The following CHD2 variants were observed in gnomAD, a reference collection of about 807,000 sequenced individuals.
The protein encoded by CHD2 is ATP-dependent chromatin remodeler CHD2.
A neutral mutation model predicts 243.9 loss-of-function variants in CHD2; 28 were observed. The ratio of observed to expected loss-of-function variants is 0.11; its 90% CI spans 0.09 to 0.16. CHD2 has a LOEUF of 0.16. Among genes scored for constraint, CHD2 ranks in the 10% least tolerant of loss-of-function variants. The pLI, the probability that CHD2 is intolerant of heterozygous loss-of-function variation, is 1.00. For synonymous variants in CHD2, 775 were observed against 779.0 expected (o/e 0.99, Z 0.09); for missense variants, 1,386 against 2,209.8 (o/e 0.63, Z 7.47).
intron 13 of CHD2, among the ~76,000 whole-genome samples, chr15:92,951,563 A>G (rs1271390817): frequency 6.6e-6 from 1 of 152,228 alleles, no homozygotes; most frequent in Non-Finnish European, 1.5e-5. Context: ...TTACTACATT[A>G]CATAATGTGC....
chr15:92,905,965 A>G (rs762044313), intron 2 of CHD2, among the ~76,000 whole-genome samples: 8 of 152,228 alleles, frequency 5.3e-5, no homozygotes, highest in Non-Finnish European at 7.3e-5. Flanking sequence ...ATACCTTTCA[A>G]TTCCTAAAAC....
At chr15:92,995,361 A>G (rs2054174022) in intron 28 of CHD2, among the ~76,000 whole-genome samples, 1 of 152,214 alleles carries the variant, frequency 6.6e-6, no homozygotes, top group Non-Finnish European at 1.5e-5. Context: ...CTATAAAACA[A>G]GGTACATTTG....
intron 26 of CHD2, among the ~76,000 whole-genome samples, chr15:92,988,258 T>C (rs1195862395): frequency 6.6e-6 from 1 of 152,076 alleles, no homozygotes; most frequent in African/African-American, 2.4e-5. Flanking sequence ...ATTATTTTTG[T>C]ATTTTTAGTA....
At chr15:92,972,490 A>G (rs1355938087) in intron 19 of CHD2, 73 bp downstream of exon 19, 12 of 1,319,462 alleles carry the variant, frequency 9.1e-6, no homozygotes, top group Admixed American at 4.8e-5. Context: ...ACCTTCCTAC[A>G]CTGGGTTGTA....
At chr15:92,983,592 T>A (rs1304223103) in intron 24 of CHD2, among the ~76,000 whole-genome samples, 3 of 152,206 alleles carry the variant, frequency 2.0e-5, no homozygotes, top group Non-Finnish European at 4.4e-5. Context: ...GCTCAGATGC[T>A]GTCCAGAGGT....
chr15:92,905,771 T>C (rs1596363654), intron 2 of CHD2, among the ~76,000 whole-genome samples: 1 of 152,252 alleles, frequency 6.6e-6, no homozygotes, highest in East Asian at 1.9e-4. Context: ...TTTAAAATTA[T>C]ATGCTCAAAT....
At position 93,002,293 on chromosome 15, in the gene CHD2, G is replaced by T; in HGVS notation, c.4254G>T (p.Lys1418Asn). The T allele has an allele frequency of 6.3e-7, 1 of 1,599,760 alleles. No individual in the cohort carries two copies. Among genetic ancestry groups the T allele is most frequent in the Non-Finnish European group, 8.5e-7 (1 of 1,175,680 alleles). ...ACAAAGAAGGGGACAAGGAAAGAAA[G>T]AAGTCAAAAGATAAGAAAGAGAAGG... ...RKDKEGDKER[K>N]KSKDKKEKPK... Residue 1418 changes from lysine (K) to asparagine (N), a missense_variant, in exon 33 of 39, where the codon AAG becomes AAT. Around this residue, in one of 19 missense-constraint regions of CHD2, gnomAD observed 125 missense variants for 128.9 expected, o/e 0.97. Transcript: ENST00000394196.
intron 28 of CHD2, among the ~76,000 whole-genome samples, chr15:92,996,714 A>G (rs567691908): frequency 6.6e-6 from 1 of 152,370 alleles, no homozygotes; most frequent in African/African-American, 2.4e-5. Flanking sequence ...CAGGAAGATT[A>G]AAATACAACT....
At chr15:92,993,407 T>C (rs2054146434) in intron 28 of CHD2, among the ~76,000 whole-genome samples, 1 of 152,232 alleles carries the variant, frequency 6.6e-6, no homozygotes. Context: ...ATTTAGAGAA[T>C]TAATTGGAAT....
intron 2 of CHD2, chr15:92,915,131 T>C (rs1000294304): frequency 6.6e-6 from 1 of 152,434 alleles, no homozygotes; most frequent in Non-Finnish European, 1.5e-5. Context: ...GGGTCCGTAG[T>C]GTTGCGTGTG....
intron 38 of CHD2, chr15:93,021,153 T>C (rs2054530466): frequency 6.6e-6 from 1 of 152,252 alleles, no homozygotes; most frequent in African/African-American, 2.4e-5. Context: ...GTATTTTGCC[T>C]TCATTTTTGA....
intron 19 of CHD2, among the ~76,000 whole-genome samples, chr15:92,973,521 G>T (rs1241397415): frequency 6.6e-6 from 1 of 152,022 alleles, no homozygotes; most frequent in Non-Finnish European, 1.5e-5. Flanking sequence ...CTCCTAAGAA[G>T]GCCCACCTTT....
intron 2 of CHD2, chr15:92,904,994 T>G (rs955573131): frequency 2.2e-5 from 34 of 1,535,936 alleles, no homozygotes; most frequent in Non-Finnish European, 2.9e-5. Context: ...TGGCATTTGA[T>G]GGAGAAAAAC....
intron 2 of CHD2, chr15:92,914,889 G>A (rs915608409): frequency 3.9e-5 from 6 of 152,190 alleles, no homozygotes; most frequent in African/African-American, 1.4e-4. Flanking sequence ...AAAAATGTGG[G>A]TTAACATCAG....
chr15:92,942,079 C>G (rs2053390629), intron 8 of CHD2, 124 bp downstream of exon 8: 2 of 886,358 alleles, frequency 2.3e-6, no homozygotes, highest in Non-Finnish European at 3.5e-6. Flanking sequence ...ATGTAGAAGT[C>G]TTTCTGACCC....
chr15:92,903,359 G>A (rs535985590), intron 2 of CHD2, among the ~76,000 whole-genome samples: 10 of 152,282 alleles, frequency 6.6e-5, no homozygotes, highest in African/African-American at 2.4e-4. Flanking sequence ...CTGAGCCACA[G>A]AAGAGGAAAT....
chr15:92,920,310 A>T (rs1326019459), intron 2 of CHD2, among the ~76,000 whole-genome samples: 2 of 152,232 alleles, frequency 1.3e-5, no homozygotes, highest in African/African-American at 4.8e-5. Flanking sequence ...CTACTCAGAA[A>T]TATGGAAAGT....
intron 34 of CHD2, among the ~76,000 whole-genome samples, chr15:93,007,155 A>G (rs771319856): frequency 7.2e-5 from 11 of 152,240 alleles, no homozygotes; most frequent in Non-Finnish European, 1.2e-4. Context: ...AGATTGCATG[A>G]ATTATAGCAA....
chr15:92,904,685 TATAA>T (rs1237690957), intron 2 of CHD2: 1 of 1,354,010 alleles, frequency 7.4e-7, no homozygotes, highest in Non-Finnish European at 9.5e-7. Flanking sequence ...AGGCACTATT[TATAA>T]ATTTTAAAGG....
Sources: allele counts gnomAD v4.1 joint callset (sites outside exome capture counted in the v4.1 genomes callset), GRCh38; gene constraint gnomAD v4.1.1; regional missense constraint gnomAD v4.1.1; transcripts MANE v1.5; gene names NCBI Gene and HGNC (gene_info 2026-07-23, HGNC 2026-07-21).